KCNIP2: variants seen among roughly 807,000 people sequenced by gnomAD.
The protein encoded by KCNIP2 is potassium voltage-gated channel interacting protein 2, also known as A-type potassium channel modulatory protein KCNIP2.
A neutral mutation model predicts 39.0 loss-of-function variants in KCNIP2; 19 were observed. The observed-to-expected ratio is 0.49, with a 90% CI of 0.34 to 0.71. The LOEUF is 0.71. Ranked by LOEUF, KCNIP2 falls within the 30% of genes least tolerant of loss-of-function variation. KCNIP2 has a pLI of 0.01. For synonymous variants in KCNIP2, 111 were observed against 131.2 expected, an observed-to-expected ratio of 0.85 and a Z score of 1.05; for missense variants, 261 against 346.0, an observed-to-expected ratio of 0.75 and a Z score of 1.95.
At chr10:101,834,937 CTG>C (rs1471365504) in intron 1 of KCNIP2, among the ~76,000 whole-genome samples, 3 of 152,204 alleles carry the variant, frequency 2.0e-5, no homozygotes, top group Non-Finnish European at 4.4e-5. Context: ...TTACACGTGA[CTG>C]TGCACCTGTC....
intron 1 of KCNIP2, chr10:101,839,666 C>T (rs1402715902): frequency 2.5e-6 from 3 of 1,208,100 alleles, no homozygotes; most frequent in Admixed American, 3.4e-5. Flanking sequence ...TTTGAGGGGC[C>T]CTTCCCTCCC....
chr10:101,841,059 G>A (rs1285517552), intron 1 of KCNIP2, among the ~76,000 whole-genome samples: 1 of 152,232 alleles, frequency 6.6e-6, no homozygotes, highest in Admixed American at 6.5e-5. Context: ...GGGAAGACCT[G>A]AGGGATTAGA....
In KCNIP2 at chr10:101,829,904, G is replaced by A; in HGVS notation, c.170-7C>T. 1.3e-6 allele frequency: 2 copies of A among 1,537,194 alleles called. No individual in the cohort carries two copies. Among genetic ancestry groups the A allele is most frequent in the South Asian group, 2.4e-5 (2 of 82,240 alleles). On this transcript the variant is annotated splice_region_variant and splice_polypyrimidine_tract_variant and intron_variant, in intron 2 of 9. Transcript: ENST00000356640. Reference sequence around the variant, plus strand: ...GAGGCTGGGGCGGCTAATGCTGAAGGGAGCGAACTGTCACCGAGAAAGCGG... The same window carrying A: ...GAGGCTGGGGCGGCTAATGCTGAAGAGAGCGAACTGTCACCGAGAAAGCGG...
Position 101,828,274 on chromosome 10 carries a change from G to A in KCNIP2, c.490-16C>T. 2 of 1,612,934 alleles carry A rather than the reference G, an allele frequency of 1.2e-6. No individual in the cohort carries two copies. Among genetic ancestry groups the A allele is most frequent in the Non-Finnish European group, 1.7e-6 (2 of 1,178,896 alleles). On this transcript the variant is annotated splice_polypyrimidine_tract_variant and intron_variant, in intron 6 of 9. Coordinates refer to ENST00000356640, the MANE Select transcript of KCNIP2 (RefSeq NM_173191.3). The surrounding 1 kb of genome is among the most constrained non-coding windows in gnomAD (Gnocchi z 6.6). The stretch of plus-strand genomic sequence containing the variant: ...CCACAAAGTCCTGGGAAGGAGGCAG[G>A]AGGGAGCTGTGTCCTCGGGTACTCT...
Position 101,828,788 on chromosome 10 carries a change from G to A in KCNIP2, c.349-92C>T, listed in dbSNP as rs763792601. On this transcript the variant is annotated intron_variant, in intron 4 of 9. Coordinates refer to ENST00000356640, the MANE Select transcript of KCNIP2 (RefSeq NM_173191.3). The surrounding 1 kb of genome is among the most constrained non-coding windows in gnomAD (Gnocchi z 6.6). The stretch of plus-strand genomic sequence containing the variant: ...CCATGGCCCAAGACTCCCAGGGAGG[G>A]GGATAATCTTCAAGCCTCCAGAGGA... The A allele has an allele frequency of 1.2e-6, 2 of 1,608,392 alleles. No individual in the cohort carries two copies. Among genetic ancestry groups the A allele is most frequent in the Admixed American group, 1.7e-5 (1 of 58,946 alleles).
At position 101,834,417 on chromosome 10, in the gene KCNIP2, G is replaced by A. The variant is rs574698886; in HGVS notation, c.74-3250C>T. The stretch of plus-strand genomic sequence containing the variant: ...TACAGGGCCCAGGTTCAGATACGCC[G>A]GTTCACCGCCTCACACCACCTCCCC... On this transcript the variant is annotated intron_variant, in intron 1 of 9. Coordinates refer to ENST00000356640, the MANE Select transcript of KCNIP2 (RefSeq NM_173191.3). 316 of 399,046 alleles carry A rather than the reference G, an allele frequency of 7.9e-4. 2 individuals are homozygous for A. Among genetic ancestry groups the A allele is most frequent in the African/African-American group, 3.9e-3 (189 of 48,712 alleles). 24.7% of individuals were successfully genotyped at this position (399,046 alleles called of 1,614,324 possible). A position where few individuals can be genotyped will look rare whatever the true frequency, so the allele number is the denominator to read the frequency against.
chr10:101,841,924 A>AGTG (rs1385736192), intron 1 of KCNIP2, among the ~76,000 whole-genome samples: 1 of 152,276 alleles, frequency 6.6e-6, no homozygotes, highest in Non-Finnish European at 1.5e-5. Context: ...AGAGCTGGAC[A>AGTG]GTGGGTCCTT....
At position 101,827,376 on chromosome 10, in the gene KCNIP2, G is replaced by T. The variant is rs771634355; in HGVS notation, c.790C>A (p.Gln264Lys). The T allele has an allele frequency of 6.2e-7, 1 of 1,605,842 alleles. No homozygotes were observed. The highest frequency in any genetic ancestry group is 1.1e-5 in the South Asian group (1 of 90,796). The change falls in exon 10 of 10, where the codon CAG (glutamine) becomes AAG (lysine). Residue 264 changes from glutamine (Q) to lysine (K), a missense_variant. Transcript: ENST00000356640. ...GGCTAGATGACATTGTCAAAGAGCT[G>T]CATGGACCTCATGATGTTCTCATCC... Reference protein sequence around the residue: ...QKDENIMRSMQLFDNVI With the variant: ...QKDENIMRSMKLFDNVI
In KCNIP2 at chr10:101,843,472, G is replaced by A. The variant is rs1302211123; in HGVS notation, c.73+24C>T. On this transcript the variant is annotated intron_variant, in intron 1 of 9. Coordinates refer to ENST00000356640, the MANE Select transcript of KCNIP2 (RefSeq NM_173191.3). The surrounding 1 kb of genome is among the most constrained non-coding windows in gnomAD (Gnocchi z 6.7). The stretch of plus-strand genomic sequence containing the variant: ...AGGAATGGAATCCACCCTCCCTCCC[G>A]CGACCCCCACGTCACTGACTCACCC... 5 of 1,494,232 alleles carry A rather than the reference G, an allele frequency of 3.3e-6. No homozygotes were observed. The South Asian group carries it at 5.1e-5, about 15-fold the overall frequency. 92.6% of individuals were successfully genotyped at this position (1,494,232 alleles called of 1,614,324 possible). A position where few individuals can be genotyped will look rare whatever the true frequency, so the allele number is the denominator to read the frequency against.
chr10:101,830,956 TGCAGGCCTGGAGCATGCGCACACTC>T, intron 2 of KCNIP2, 91 bp downstream of exon 2: 2 of 917,714 alleles, frequency 2.2e-6, no homozygotes, highest in Non-Finnish European at 3.4e-6. Context: ...CCCCCACACA[TGCAGGCCTGGAGCATGCGCACACTC>T]GCAGGCCTGG....
rs1261069416 is a variant in KCNIP2, at chr10:101,826,475, C to T, written c.*878G>A. ...ATAGAGAACATGGGAAACAAAAACT[C>T]AAGTCATAGCCCTCAAAACAGGGAC... is the stretch of plus-strand genomic sequence containing the variant. On this transcript the variant is annotated 3_prime_UTR_variant, in exon 10 of 10. Coordinates refer to ENST00000356640, the MANE Select transcript of KCNIP2 (RefSeq NM_173191.3). 1.3e-5 allele frequency: 2 copies of T among 152,362 alleles called. No individual in the cohort carries two copies. The highest frequency in any genetic ancestry group is 2.9e-5 in the Non-Finnish European group (2 of 68,060). 9.4% of individuals were successfully genotyped at this position (152,362 alleles called of 1,614,324 possible).
chr10:101,834,425 G>A (rs992602437), intron 1 of KCNIP2: 5 of 398,820 alleles, frequency 1.3e-5, no homozygotes, highest in South Asian at 1.3e-4. Flanking sequence ...CCGGTTCACC[G>A]CCTCACACCA....
In KCNIP2 at chr10:101,838,253, C is replaced by T. The variant is rs946657815; in HGVS notation, c.73+5243G>A. Among the ~76,000 whole-genome samples the T allele has an allele frequency of 2.0e-5, 3 of 152,200 alleles. No individual in the cohort carries two copies. Among genetic ancestry groups the T allele is most frequent in the Non-Finnish European group, 2.9e-5 (2 of 68,030 alleles). The stretch of plus-strand genomic sequence containing the variant: ...GCAGAGTGGGAACTCAAGGGAAAAC[C>T]ATCTCGAGGCATGAGGTGGGCCTTC... On this transcript the variant is annotated intron_variant, in intron 1 of 9. Coordinates refer to ENST00000356640, the MANE Select transcript of KCNIP2 (RefSeq NM_173191.3). The surrounding 1 kb of genome is among the most constrained non-coding windows in gnomAD (Gnocchi z 4.0).
intron 1 of KCNIP2, among the ~76,000 whole-genome samples, chr10:101,836,647 T>A (rs1473823852): frequency 6.6e-6 from 1 of 152,084 alleles, no homozygotes; most frequent in East Asian, 1.9e-4. Flanking sequence ...CTGGGCAACA[T>A]GGCGAAACTC....
rs979074659 is a variant in KCNIP2 at position 101,827,533 on chromosome 10, C to T, written c.766-133G>A. On this transcript the variant is annotated intron_variant, in intron 9 of 9. Coordinates refer to ENST00000356640, the MANE Select transcript of KCNIP2 (RefSeq NM_173191.3). ...AGAGGAAGGAGATGCCCAGAGAGACCTGAGGTAGGGAAGGGGTAAGCCTCC... is the reference window on the plus strand; with the variant it reads ...AGAGGAAGGAGATGCCCAGAGAGACTTGAGGTAGGGAAGGGGTAAGCCTCC... The T allele has an allele frequency of 7.8e-6, 10 of 1,286,478 alleles. No individual in the cohort carries two copies. The African/African-American group carries it at 1.3e-4, about 17-fold the overall frequency. 79.7% of individuals were successfully genotyped at this position (1,286,478 alleles called of 1,614,324 possible).
At chr10:101,836,984 C>G (rs1346292613) in intron 1 of KCNIP2, among the ~76,000 whole-genome samples, 8 of 151,996 alleles carry the variant, frequency 5.3e-5, no homozygotes, top group African/African-American at 1.9e-4. Flanking sequence ...TAATAATTAG[C>G]CTGGCGTGGT....
Position 101,828,982 on chromosome 10 carries a change from T to G in KCNIP2, c.348+93A>C. ...GCCTTGCCTCCCTTCCGCCCACACCTCAAGCATCCAAGCCATGCTTTCTGG... is the reference window on the plus strand; with the variant it reads ...GCCTTGCCTCCCTTCCGCCCACACCGCAAGCATCCAAGCCATGCTTTCTGG... On this transcript the variant is annotated intron_variant, in intron 4 of 9. Transcript: ENST00000356640. This position sits in a 1 kb window ranked among gnomAD's most constrained non-coding sequence, Gnocchi z 6.6. The G allele has an allele frequency of 6.4e-7, 1 of 1,558,924 alleles. No individual in the cohort carries two copies. The highest frequency in any genetic ancestry group is 8.7e-7 in the Non-Finnish European group (1 of 1,149,548).
chr10:101,834,424 C>T (rs1375011856), intron 1 of KCNIP2: 5 of 398,876 alleles, frequency 1.3e-5, no homozygotes, highest in Admixed American at 4.4e-5. Context: ...GCCGGTTCAC[C>T]GCCTCACACC....
Position 101,838,991 on chromosome 10 carries a change from C to T in KCNIP2, c.73+4505G>A, listed in dbSNP as rs1478543475. ...TACTCAACAATCCACACCTCATACA[C>T]TCCACAAATTTCACACCAAGGTACA... is the stretch of plus-strand genomic sequence containing the variant. On this transcript the variant is annotated intron_variant, in intron 1 of 9. Coordinates refer to ENST00000356640, the MANE Select transcript of KCNIP2 (RefSeq NM_173191.3). The surrounding 1 kb of genome is among the most constrained non-coding windows in gnomAD (Gnocchi z 4.0). 1.3e-5 allele frequency among the ~76,000 whole-genome samples: 2 copies of T among 152,168 alleles called. No homozygotes were observed. Among genetic ancestry groups the T allele is most frequent in the African/African-American group, 4.8e-5 (2 of 41,440 alleles).
Sources: allele counts gnomAD v4.1 joint callset (sites outside exome capture counted in the v4.1 genomes callset), GRCh38; gene constraint gnomAD v4.1.1; non-coding constraint Gnocchi (gnomAD v3.1); transcripts MANE v1.5; gene names NCBI Gene and HGNC (gene_info 2026-07-23, HGNC 2026-07-21).